PCDHGA6: variants seen among roughly 807,000 people sequenced by gnomAD.
PCDHGA6 encodes the protein protocadherin gamma subfamily A, 6, also known as protocadherin gamma-A6.
Under a neutral mutation model 60.6 loss-of-function variants are expected in PCDHGA6, and 41 were observed. The observed-to-expected ratio is 0.68, with a 90% CI of 0.53 to 0.88. The LOEUF (loss-of-function observed/expected upper bound fraction) is 0.88, where lower values mean the gene tolerates loss of function less well. PCDHGA6 is among the 40% of genes least tolerant of loss of function. The probability of loss-of-function intolerance (pLI) is 0.00; values close to 1 mark genes in which losing one functional copy is unlikely to be tolerated. For missense variants in PCDHGA6, 1,312 were observed against 1,203.0 expected, an observed-to-expected ratio of 1.09 and a Z score of -1.34; for synonymous variants, 594 against 524.4, an observed-to-expected ratio of 1.13 and a Z score of -1.81.
At chr5:141,445,632 T>C (rs940642775) in intron 1 of PCDHGA6, among the ~76,000 whole-genome samples, 19 of 152,116 alleles carry the variant, frequency 1.2e-4, no homozygotes, top group Admixed American at 1.1e-3. Flanking sequence ...GAAAGTGATA[T>C]TTAGAGAGAT....
At position 141,432,999 on chromosome 5, in the gene PCDHGA6, A is replaced by G. The variant is rs745921704; in HGVS notation, c.2424+56492A>G. The G allele has an allele frequency of 1.1e-5, 17 of 1,614,046 alleles. No individual in the cohort carries two copies. Among genetic ancestry groups the G allele is most frequent in the East Asian group, 4.5e-5 (2 of 44,862 alleles). On this transcript the variant is annotated intron_variant, in intron 1 of 3. Coordinates refer to ENST00000517434, the MANE Select transcript of PCDHGA6 (RefSeq NM_018919.3). This position sits in a 1 kb window ranked among gnomAD's most constrained non-coding sequence, Gnocchi z 6.0. ...CACTTTGTGGGCGTGGACGGGGTGC[A>G]GGCTTTCCTGCAGACCTATTCCCAC...
At chr5:141,415,386 A>G (rs1383734863) in intron 1 of PCDHGA6, 9 of 1,614,156 alleles carry the variant, frequency 5.6e-6, no homozygotes, top group Non-Finnish European at 7.6e-6. Flanking sequence ...GCGGCTTGAC[A>G]GGTGTGTCCG....
intron 1 of PCDHGA6, chr5:141,392,643 AAGAC>A: frequency 1.5e-6 from 1 of 663,020 alleles, no homozygotes; most frequent in Middle Eastern, 4.0e-4. Context: ...ACACCTCACG[AAGAC>A]CCGCAGATGC....
chr5:141,485,865 C>A lies in PCDHGA6; in HGVS notation c.2425-8942C>A. ...TCTGGCACCGCAGAGCTCCGGGTAT[C>A]CGTGCTGGACGTAAACGACAACGCC... On this transcript the variant is annotated intron_variant, in intron 1 of 3. Transcript: ENST00000517434. The surrounding 1 kb of genome is among the most constrained non-coding windows in gnomAD (Gnocchi z 5.7). 1 of 1,614,182 alleles carries A rather than the reference C, an allele frequency of 6.2e-7. No homozygotes were observed. The highest frequency in any genetic ancestry group is 8.5e-7 in the Non-Finnish European group (1 of 1,180,034).
In PCDHGA6 at chr5:141,375,335, T is replaced by A. The variant is rs781205937; in HGVS notation, c.1252T>A (p.Tyr418Asn). Residue 418 changes from tyrosine (Y) to asparagine (N), a missense_variant, in exon 1 of 4, where the codon TAC becomes AAC. Transcript: ENST00000517434. ...TCTAGACCGGGAAGAGGTATTCTTG[T>A]ACAACATCACTGTGACAGCCACGGA... is the stretch of plus-strand genomic sequence containing the variant. ...AALDREEVFL[Y>N]NITVTATDKG... is the part of the protein sequence containing the mutation. 1.7e-5 allele frequency: 27 copies of A among 1,613,694 alleles called. No homozygotes were observed. The Admixed American group carries it at 3.8e-4, about 23-fold the overall frequency.
rs750164473 is a variant in PCDHGA6 at position 141,432,286 on chromosome 5, C to G, written c.2424+55779C>G. Reference sequence around the variant, plus strand: ...TATCGTCCTACGTGTCCATCAACTCCGACACTGGGGTACTGTATGCGCTGA... The same window carrying G: ...TATCGTCCTACGTGTCCATCAACTCGGACACTGGGGTACTGTATGCGCTGA... On this transcript the variant is annotated intron_variant, in intron 1 of 3. Transcript: ENST00000517434. This position sits in a 1 kb window ranked among gnomAD's most constrained non-coding sequence, Gnocchi z 6.0. The G allele has an allele frequency of 6.2e-7, 1 of 1,614,252 alleles. No homozygotes were observed. The highest frequency in any genetic ancestry group is 1.3e-5 in the African/African-American group (1 of 75,070).
rs2096779089 is a variant in PCDHGA6, at chr5:141,423,760, G to GA, written c.2424+47253_2424+47254insA. On this transcript the variant is annotated intron_variant, in intron 1 of 3. Transcript: ENST00000517434. ...GTTATGAAAACTGTTTGGGGGGGGG[G>GA]TGGGGCGGCATATATTTAGTTCATA... 1.1e-5 allele frequency: 3 copies of GA among 279,664 alleles called. 1 individual carries two copies. Among genetic ancestry groups the GA allele is most frequent in the African/African-American group, 6.7e-5 (2 of 29,702 alleles). The allele number at this position is 279,664 out of a possible 1,614,324, so 17.3% of individuals were successfully genotyped here.
At chr5:141,483,187 GTTT>G (rs899657161) in intron 1 of PCDHGA6, among the ~76,000 whole-genome samples, 2 of 152,172 alleles carry the variant, frequency 1.3e-5, no homozygotes, top group African/African-American at 4.8e-5. Flanking sequence ...AAGCCAAGGA[GTTT>G]TTATTTTATT....
intron 1 of PCDHGA6, among the ~76,000 whole-genome samples, chr5:141,453,261 A>G (rs1387512741): frequency 6.6e-6 from 1 of 152,028 alleles, no homozygotes; most frequent in Non-Finnish European, 1.5e-5. Context: ...CTGCAAGTGC[A>G]CACCACCATG....
chr5:141,429,390 A>ATT (rs1561841316), intron 1 of PCDHGA6, among the ~76,000 whole-genome samples: 8 of 150,216 alleles, frequency 5.3e-5, no homozygotes, highest in African/African-American at 1.7e-4. Flanking sequence ...TTTTTTTTAA[A>ATT]AAAAATTGAG....
At chr5:141,497,461 A>G (rs541848982) in intron 2 of PCDHGA6, among the ~76,000 whole-genome samples, 2 of 151,526 alleles carry the variant, frequency 1.3e-5, no homozygotes, top group Admixed American at 1.3e-4. Context: ...GCTCTTGGAG[A>G]TATGGAGGAG....
At chr5:141,492,312 C>T (rs1470136040) in intron 1 of PCDHGA6, among the ~76,000 whole-genome samples, 2 of 152,348 alleles carry the variant, frequency 1.3e-5, no homozygotes, top group African/African-American at 4.8e-5. Flanking sequence ...CGCACGCACT[C>T]CTCGCACGTG....
rs765661515 is a variant in PCDHGA6 at position 141,398,665 on chromosome 5, T to C, written c.2424+22158T>C. The stretch of plus-strand genomic sequence containing the variant: ...ACTCTCTCTTAACCCAAGTTTCTCA[T>C]TAATAATTAAGGAGAAACAGGATGG... On this transcript the variant is annotated intron_variant, in intron 1 of 3. Transcript: ENST00000517434. 1.9e-6 allele frequency: 3 copies of C among 1,614,002 alleles called. No homozygotes were observed. In the South Asian group the frequency reaches 3.3e-5, roughly 18 times the overall value.
At chr5:141,419,354 C>T in intron 1 of PCDHGA6, 3 of 1,613,828 alleles carry the variant, frequency 1.9e-6, no homozygotes, top group Non-Finnish European at 1.7e-6. Flanking sequence ...CCTGGAGTCA[C>T]GAACGCTGTC....
chr5:141,465,505 G>C (rs905617997), intron 1 of PCDHGA6, among the ~76,000 whole-genome samples: 1 of 152,190 alleles, frequency 6.6e-6, no homozygotes, highest in Non-Finnish European at 1.5e-5. Context: ...CATTGTCGTG[G>C]TCAGGAAGGA....
chr5:141,483,168 C>A (rs750259590), intron 1 of PCDHGA6, among the ~76,000 whole-genome samples: 3 of 152,104 alleles, frequency 2.0e-5, no homozygotes, highest in Non-Finnish European at 4.4e-5. Context: ...CCTGAGTTAC[C>A]TTTGGGCCAA....
rs2091100634 is a variant in PCDHGA6 at position 141,387,811 on chromosome 5, A to C, written c.2424+11304A>C. 4 of 1,528,618 alleles carry C rather than the reference A, an allele frequency of 2.6e-6. No individual in the cohort carries two copies. The South Asian group carries it at 5.1e-5, about 19-fold the overall frequency. 94.7% of individuals were successfully genotyped at this position (1,528,618 alleles called of 1,614,324 possible). ...CAACTAAAGTCCGTTCGGAGATCCA[A>C]AAATCTGCAATACAGAGGTTATTTG... On this transcript the variant is annotated intron_variant, in intron 1 of 3. Transcript: ENST00000517434.
At chr5:141,423,102 C>T (rs778561065) in intron 1 of PCDHGA6, 7 of 1,613,920 alleles carry the variant, frequency 4.3e-6, no homozygotes, top group Non-Finnish European at 4.2e-6. Context: ...AGCACACGGG[C>T]GAGGTGCGTA....
intron 1 of PCDHGA6, chr5:141,426,519 C>T: frequency 8.8e-6 from 3 of 341,848 alleles, no homozygotes; most frequent in South Asian, 6.9e-5. Flanking sequence ...TTACCGTGAA[C>T]ACGGAGAATG....
Sources: gnomAD v4.1 joint callset for allele counts (sites outside exome capture counted in the v4.1 genomes callset) on GRCh38, gnomAD v4.1.1 for gene constraint, Gnocchi (gnomAD v3.1) non-coding constraint, MANE v1.5 for transcripts, NCBI Gene and HGNC (gene_info 2026-07-23, HGNC 2026-07-21) for gene names.